Variants in RPH3A observed in about 807,000 individuals in gnomAD.
The protein encoded by RPH3A is rabphilin-3A.
A neutral mutation model predicts 102.2 loss-of-function variants in RPH3A; 48 were observed. The ratio of observed to expected loss-of-function variants is 0.47; its 90% confidence interval spans 0.37 to 0.60. The LOEUF (loss-of-function observed/expected upper bound fraction) is 0.60, where lower values mean the gene tolerates loss of function less well. Among genes scored for constraint, RPH3A ranks in the 20% least tolerant of loss-of-function variants. RPH3A has a pLI of 0.00. For synonymous variants in RPH3A, 310 were observed against 324.3 expected (o/e 0.96, Z 0.47); for missense variants, 781 against 910.1 (o/e 0.86, Z 1.83).
chr12:112,655,148 A>G (rs1285754911), intron 1 of RPH3A, among the ~76,000 whole-genome samples: 1 of 152,236 alleles, frequency 6.6e-6, no homozygotes, highest in Non-Finnish European at 1.5e-5. Flanking sequence ...CAAGACGGTT[A>G]TCCTGTCCTT....
At position 112,869,817 on chromosome 12, in the gene RPH3A, T is replaced by C; in HGVS notation, c.649+20T>C. The C allele has an allele frequency of 3.7e-6, 6 of 1,614,132 alleles. No homozygotes were observed. The highest frequency in any genetic ancestry group is 5.1e-6 in the Non-Finnish European group (6 of 1,180,018). On this transcript the variant is annotated intron_variant, in intron 9 of 21. Coordinates refer to ENST00000389385, the MANE Select transcript of RPH3A (RefSeq NM_001143854.2). Reference sequence around the variant, plus strand: ...AGACAGGTGGGTTCTGCTGACTCTGTTTTGTCATTTGAGACACGAATTCAC... The same window carrying C: ...AGACAGGTGGGTTCTGCTGACTCTGCTTTGTCATTTGAGACACGAATTCAC...
At chr12:112,790,134 G>A (rs1394532242), upstream of RPH3A, among the ~76,000 whole-genome samples, 1 of 151,784 alleles carries the variant, frequency 6.6e-6, no homozygotes, top group Non-Finnish European at 1.5e-5. Flanking sequence ...TCGGCTCACT[G>A]CAGCCTCTGC....
At chr12:112,713,209 G>A (rs1432197008) in intron 1 of RPH3A, among the ~76,000 whole-genome samples, 2 of 151,478 alleles carry the variant, frequency 1.3e-5, no homozygotes, top group Admixed American at 6.6e-5. Context: ...TGGGATTATA[G>A]GCATAAGCCA....
At chr12:112,621,640 C>T (rs1488843000) in intron 1 of RPH3A, among the ~76,000 whole-genome samples, 2 of 151,550 alleles carry the variant, frequency 1.3e-5, no homozygotes, top group Non-Finnish European at 2.9e-5. Flanking sequence ...GAGGGGCGCC[C>T]GCCATTGCCC....
chr12:112,857,043 AG>A (rs2042422670), intron 5 of RPH3A, among the ~76,000 whole-genome samples: 1 of 151,534 alleles, frequency 6.6e-6, no homozygotes, highest in South Asian at 2.1e-4. Context: ...GCACATCTGC[AG>A]GGGTGTGTGT....
At chr12:112,840,232 G>A (rs1161853101) in intron 4 of RPH3A, among the ~76,000 whole-genome samples, 1 of 151,920 alleles carries the variant, frequency 6.6e-6, no homozygotes, top group Non-Finnish European at 1.5e-5. Flanking sequence ...TGGGGTACAT[G>A]TGATATTTTG....
chr12:112,824,996 C>A (rs540341918), intron 2 of RPH3A, among the ~76,000 whole-genome samples: 14 of 151,580 alleles, frequency 9.2e-5, no homozygotes, highest in African/African-American at 1.2e-4. Flanking sequence ...GAAGATGAAA[C>A]CTTCAGTTAC....
intron 1 of RPH3A, among the ~76,000 whole-genome samples, chr12:112,739,531 A>C (rs1271782317): frequency 1.3e-5 from 2 of 152,228 alleles, no homozygotes; most frequent in African/African-American, 4.8e-5. Flanking sequence ...CCCCATTTCC[A>C]TATGGAATGA....
intron 1 of RPH3A, among the ~76,000 whole-genome samples, chr12:112,615,917 A>G (rs530404019): frequency 4.6e-5 from 7 of 152,026 alleles, no homozygotes; most frequent in Non-Finnish European, 1.0e-4. Context: ...AGTGCTCAAT[A>G]AGGTTTTATC....
At chr12:112,627,160 GTAAC>G (rs2039772813) in intron 1 of RPH3A, among the ~76,000 whole-genome samples, 1 of 148,276 alleles carries the variant, frequency 6.7e-6, no homozygotes, top group South Asian at 2.1e-4. Context: ...GTATACATAT[GTAAC>G]TAACCTGCAC....
chr12:112,666,480 TTTAACTG>T (rs1435435047), intron 1 of RPH3A, among the ~76,000 whole-genome samples: 1 of 152,110 alleles, frequency 6.6e-6, no homozygotes, highest in Non-Finnish European at 1.5e-5. Flanking sequence ...ACTTCTCATG[TTTAACTG>T]CTACAATCCA....
At chr12:112,802,682 T>G (rs2041377498) in intron 2 of RPH3A, among the ~76,000 whole-genome samples, 1 of 152,006 alleles carries the variant, frequency 6.6e-6, no homozygotes, top group Non-Finnish European at 1.5e-5. Flanking sequence ...GGCTGAGACG[T>G]TGCCCCCCTC....
At chr12:112,687,319 C>T (rs545341890) in intron 1 of RPH3A, among the ~76,000 whole-genome samples, 1 of 152,236 alleles carries the variant, frequency 6.6e-6, no homozygotes, top group African/African-American at 2.4e-5. Flanking sequence ...CCTATATTTA[C>T]CTTCGTGCTT....
chr12:112,635,553 A>G (rs188143582), intron 1 of RPH3A, among the ~76,000 whole-genome samples: 2 of 152,048 alleles, frequency 1.3e-5, no homozygotes, highest in Admixed American at 1.3e-4. Flanking sequence ...ATATGCAGAC[A>G]TGACAAAAAA....
intron 1 of RPH3A, among the ~76,000 whole-genome samples, chr12:112,684,372 C>A (rs977316031): frequency 3.9e-5 from 6 of 152,116 alleles, no homozygotes; most frequent in Non-Finnish European, 7.4e-5. Flanking sequence ...GATTCTCCTG[C>A]CTCAGCCTCC....
intron 1 of RPH3A, among the ~76,000 whole-genome samples, chr12:112,714,584 G>A (rs989337945): frequency 7.2e-5 from 11 of 152,320 alleles, no homozygotes; most frequent in African/African-American, 2.6e-4. Context: ...AGTTGCTTGT[G>A]AGAAAGTATA....
At position 112,876,678 on chromosome 12, in the gene RPH3A, C is replaced by A. The variant is rs371739466; in HGVS notation, c.983C>A (p.Pro328His). The change falls in exon 13 of 22, where the codon CCC becomes CAC. Residue 328 changes from proline (P) to histidine (H), a missense_variant. Around this residue, in one of 2 missense-constraint regions of RPH3A, gnomAD observed 730 missense variants for 810.0 expected, o/e 0.90. Coordinates refer to ENST00000389385, the MANE Select transcript of RPH3A (RefSeq NM_001143854.2). ...AGCGACCCTGGGACCACTGCCCCAC[C>A]CCGAGAGGAGAGAACAGGGGGAGTC... ...APSDPGTTAP[P>H]REERTGGVGG... 3.1e-6 allele frequency: 5 copies of A among 1,612,944 alleles called. No individual in the cohort carries two copies. The highest frequency in any genetic ancestry group is 4.2e-6 in the Non-Finnish European group (5 of 1,179,514).
chr12:112,881,421 T>C (rs2042908531), intron 14 of RPH3A, among the ~76,000 whole-genome samples: 1 of 152,186 alleles, frequency 6.6e-6, no homozygotes, highest in Non-Finnish European at 1.5e-5. Flanking sequence ...TGATCCAGTG[T>C]GTACCATATG....
At chr12:112,708,958 A>G (rs2040442612) in intron 1 of RPH3A, among the ~76,000 whole-genome samples, 2 of 152,212 alleles carry the variant, frequency 1.3e-5, no homozygotes, top group Non-Finnish European at 2.9e-5. Flanking sequence ...ATTGGAGTTC[A>G]GGCATACAGG....
Sources: gnomAD v4.1 joint callset for allele counts (sites outside exome capture counted in the v4.1 genomes callset) on GRCh38, gnomAD v4.1.1 for gene constraint, gnomAD v4.1.1 regional missense constraint, MANE v1.5 for transcripts, NCBI Gene and HGNC (gene_info 2026-07-23, HGNC 2026-07-21) for gene names.